IDS: variants seen among roughly 807,000 people sequenced by gnomAD.
IDS encodes the protein iduronate 2-sulfatase, also known as alpha-L-iduronate sulfate sulfatase.
IDS carries 1 observed loss-of-function variant against 33.5 expected under a neutral mutation model. That is an observed-to-expected ratio of 0.03 (90% CI 0.01 to 0.14). IDS has a LOEUF of 0.14. Among genes scored for constraint, IDS ranks in the 10% least tolerant of loss-of-function variants. The pLI, the probability that IDS is intolerant of heterozygous loss-of-function variation, is 1.00. For missense variants in IDS, 328 were observed against 448.0 expected, an observed-to-expected ratio of 0.73 and a Z score of 2.42; for synonymous variants, 191 against 184.4, an observed-to-expected ratio of 1.04 and a Z score of -0.29.
rs1340571928 is a variant in IDS, at chrX:149,478,317, T to C, written c.*4429A>G. 8.9e-6 allele frequency: 1 copy of C among 112,431 alleles called. No homozygotes were observed. Among genetic ancestry groups the C allele is most frequent in the East Asian group, 2.8e-4 (1 of 3,579 alleles). The allele number at this position is 112,431 out of a possible 1,213,427, so 9.3% of individuals were successfully genotyped here. On this transcript the variant is annotated 3_prime_UTR_variant, in exon 9 of 9. Transcript: ENST00000340855. ...TCGAACAGATATTTGTACATCCTTG[T>C]TGACAGCAACATTATTGCAATGGCC...
rs1391358804 is a variant in IDS, at chrX:149,482,005, A to T, written c.*741T>A. 1 of 112,451 alleles carries T rather than the reference A, an allele frequency of 8.9e-6. No homozygotes were observed. The highest frequency in any genetic ancestry group is 1.9e-5 in the Non-Finnish European group (1 of 53,263). The allele number at this position is 112,451 out of a possible 1,213,427, so 9.3% of individuals were successfully genotyped here. A position where few individuals can be genotyped will look rare whatever the true frequency, so the allele number is the denominator to read the frequency against. ...TCAAGGGTCATATTATTTGCTAACA[A>T]ATTATTATTTGGGCCAGAAAGTATC... On this transcript the variant is annotated 3_prime_UTR_variant, in exon 9 of 9. Transcript: ENST00000340855.
intron 3 of IDS, 33 bp from the exon 4 acceptor site, chrX:149,501,070 T>G (rs2124056117): frequency 1.1e-6 from 1 of 924,012 alleles, no homozygotes; most frequent in East Asian, 3.0e-5. Context: ...TAAAACATGA[T>G]GAGTCTTTCA....
intron 6 of IDS, among the ~76,000 whole-genome samples, chrX:149,493,103 C>T (rs192420305): frequency 2.7e-5 from 3 of 112,006 alleles, no homozygotes; most frequent in African/African-American, 9.7e-5. Flanking sequence ...CAGGTCAACA[C>T]ACATATCTGA....
In IDS at chrX:149,480,927, A is replaced by C. The variant is rs1351521736; in HGVS notation, c.*1819T>G. ...CATGAAAGAACCCCTGCTCATGTGA[A>C]AGAGAGATTTCTACAAATAAAGTGA... On this transcript the variant is annotated 3_prime_UTR_variant, in exon 9 of 9. Transcript: ENST00000340855. The C allele has an allele frequency of 1.8e-5, 2 of 112,190 alleles. No individual in the cohort carries two copies. The highest frequency in any genetic ancestry group is 1.9e-4 in the Admixed American group (2 of 10,535). 9.2% of individuals were successfully genotyped at this position (112,190 alleles called of 1,213,427 possible).
chrX:149,490,080 A>C (rs2089375721), intron 7 of IDS, among the ~76,000 whole-genome samples: 1 of 108,614 alleles, frequency 9.2e-6, no homozygotes, highest in East Asian at 2.9e-4. Context: ...AAAAAAAAAA[A>C]AGTTGCTGCA....
In IDS at chrX:149,482,440, C is replaced by T; in HGVS notation, c.*306G>A. 3.5e-6 allele frequency: 1 copy of T among 286,018 alleles called. No individual in the cohort carries two copies. The highest frequency in any genetic ancestry group is 6.1e-6 in the Non-Finnish European group (1 of 162,825). The allele number at this position is 286,018 out of a possible 1,213,427, so 23.6% of individuals were successfully genotyped here. ...GGTTATTATGTATGGTCTTCGTATC[C>T]AAAGGTATGACATAACTTGAGTTTG... On this transcript the variant is annotated 3_prime_UTR_variant, in exon 9 of 9. Transcript: ENST00000340855.
rs1222221267 is a variant in IDS, at chrX:149,481,958, T to G, written c.*788A>C. ...ATGTTTTCCAGTGTGAACAACAGTC[T>G]TTTAATAGATGGCCATTGAGTTCAA... is the stretch of plus-strand genomic sequence containing the variant. On this transcript the variant is annotated 3_prime_UTR_variant, in exon 9 of 9. Transcript: ENST00000340855. 1 of 112,613 alleles carries G rather than the reference T, an allele frequency of 8.9e-6. No individual in the cohort carries two copies. The highest frequency in any genetic ancestry group is 2.8e-4 in the East Asian group (1 of 3,632). The allele number at this position is 112,613 out of a possible 1,213,427, so 9.3% of individuals were successfully genotyped here.
At chrX:149,490,875 A>G (rs2089385339) in intron 6 of IDS, among the ~76,000 whole-genome samples, 1 of 111,798 alleles carries the variant, frequency 8.9e-6, no homozygotes, top group Non-Finnish European at 1.9e-5. Flanking sequence ...AGTCCCTGGC[A>G]TTCCTCAGCT....
chrX:149,486,436 G>A (rs1332789861), intron 8 of IDS, among the ~76,000 whole-genome samples: 4 of 111,449 alleles, frequency 3.6e-5, no homozygotes, highest in African/African-American at 1.3e-4. Flanking sequence ...GGAGGGCAGA[G>A]TAGAATCACC....
Position 149,482,641 on chromosome X carries a change from G to A in IDS, c.*105C>T, listed in dbSNP as rs188552517. On this transcript the variant is annotated 3_prime_UTR_variant, in exon 9 of 9. Transcript: ENST00000340855. ...GCATGTTTGGATTAACTAGCCCTCA[G>A]GCTGCTTCCAATATTATGGGTAATC... 3.7e-3 allele frequency: 4,301 copies of A among 1,152,085 alleles called. 10 individuals carry two copies. Among genetic ancestry groups the A allele is most frequent in the Non-Finnish European group, 4.3e-3 (3,665 of 861,915 alleles). The allele number at this position is 1,152,085 out of a possible 1,213,427, so 94.9% of individuals were successfully genotyped here. A position where few individuals can be genotyped will look rare whatever the true frequency, so the allele number is the denominator to read the frequency against.
At position 149,479,922 on chromosome X, in the gene IDS, T is replaced by C. The variant is rs2089286713; in HGVS notation, c.*2824A>G. ...AAGCGAACACAAGATTCTTTAGCAA[T>C]GTTCATTCCATCCCACAATAGAGTC... On this transcript the variant is annotated 3_prime_UTR_variant, in exon 9 of 9. Transcript: ENST00000340855. 2 of 218,523 alleles carry C rather than the reference T, an allele frequency of 9.2e-6. No individual in the cohort carries two copies. Among genetic ancestry groups the C allele is most frequent in the South Asian group, 2.7e-4 (1 of 3,736 alleles). 18.0% of individuals were successfully genotyped at this position (218,523 alleles called of 1,213,427 possible).
At position 149,480,445 on chromosome X, in the gene IDS, C is replaced by T. The variant is rs1425420628; in HGVS notation, c.*2301G>A. On this transcript the variant is annotated 3_prime_UTR_variant, in exon 9 of 9. Transcript: ENST00000340855. ...GAAACAGCTCATAAGAGGCACTTGC[C>T]AACATCCAACAAATTCAGTTCAAAA... 6.8e-6 allele frequency: 2 copies of T among 295,698 alleles called. No homozygotes were observed. The highest frequency in any genetic ancestry group is 1.2e-5 in the Non-Finnish European group (2 of 169,976). The allele number at this position is 295,698 out of a possible 1,213,427, so 24.4% of individuals were successfully genotyped here. A position where few individuals can be genotyped will look rare whatever the true frequency, so the allele number is the denominator to read the frequency against.
At chrX:149,504,978 GAGGA>G (rs1233252471) in intron 1 of IDS, 53 bp downstream of exon 1, 12 of 859,232 alleles carry the variant, frequency 1.4e-5, no homozygotes, top group Admixed American at 2.3e-5. Flanking sequence ...AAGAAGGAAG[GAGGA>G]AGGAAGGGAG....
rs1447255384 is a variant in IDS, at chrX:149,503,484, T to C, written c.246A>G (p.Ala82=). The change falls in exon 3 of 9, where the codon GCA becomes GCG. Residue 82 remains alanine (A), a synonymous_variant. Coordinates refer to ENST00000340855, the MANE Select transcript of IDS (RefSeq NM_000202.8). ...LLFQNAFAQQ[A]VCAPSRVSFL... is the part of the protein sequence containing the mutation. ...AAGAAACGCGGCTCGGGGCGCACACTGCTTGCTGTTAGGGAGCAGAAGCAG... is the reference window on the plus strand; with the variant it reads ...AAGAAACGCGGCTCGGGGCGCACACCGCTTGCTGTTAGGGAGCAGAAGCAG... The C allele has an allele frequency of 3.6e-6, 4 of 1,111,131 alleles. No individual in the cohort carries two copies. Among genetic ancestry groups the C allele is most frequent in the African/African-American group, 1.8e-5 (1 of 54,676 alleles). The allele number at this position is 1,111,131 out of a possible 1,213,427, so 91.6% of individuals were successfully genotyped here.
At chrX:149,486,277 C>G (rs782530552) in intron 8 of IDS, among the ~76,000 whole-genome samples, 2 of 111,693 alleles carry the variant, frequency 1.8e-5, no homozygotes, top group African/African-American at 6.5e-5. Context: ...TAAACACTAC[C>G]TTGTGACGAA....
rs781852261 is a variant in IDS, at chrX:149,501,042, GA to G, written c.419-6del. 9,724 of 755,933 alleles carry G rather than the reference GA, an allele frequency of 0.013. No individual in the cohort carries two copies. The highest frequency in any genetic ancestry group is 0.014 in the Non-Finnish European group (8,010 of 553,337). The allele number at this position is 755,933 out of a possible 1,213,427, so 62.3% of individuals were successfully genotyped here. ...CGGTATGGTTAGAAGATATCCCTTG[GA>G]AAAAAAAAAAGGTTGTTAAAACATG... On this transcript the variant is annotated splice_region_variant and splice_polypyrimidine_tract_variant and intron_variant, in intron 3 of 8. Coordinates refer to ENST00000340855, the MANE Select transcript of IDS (RefSeq NM_000202.8).
At chrX:149,498,375 C>G in intron 4 of IDS, 68 bp from the exon 5 acceptor site, 1 of 902,978 alleles carries the variant, frequency 1.1e-6, no homozygotes, top group Non-Finnish European at 1.6e-6. Flanking sequence ...AGGCTACACA[C>G]ACAGATTTAA....
intron 6 of IDS, among the ~76,000 whole-genome samples, chrX:149,490,815 G>A (rs914493167): frequency 1.8e-5 from 2 of 111,004 alleles, no homozygotes; most frequent in Non-Finnish European, 3.8e-5. Flanking sequence ...CTCCCTGAAG[G>A]CTCTAAGTAG....
intron 6 of IDS, among the ~76,000 whole-genome samples, chrX:149,493,373 G>A (rs2089409586): frequency 8.9e-6 from 1 of 112,343 alleles, no homozygotes; most frequent in Non-Finnish European, 1.9e-5. Flanking sequence ...GGTCAGTGCT[G>A]AGGTGAGAGT....
Sources: allele counts gnomAD v4.1 joint callset (sites outside exome capture counted in the v4.1 genomes callset), GRCh38; gene constraint gnomAD v4.1.1; transcripts MANE v1.5; gene names NCBI Gene and HGNC (gene_info 2026-07-23, HGNC 2026-07-21).